MCF2L: variants seen among roughly 807,000 people sequenced by gnomAD.
MCF2L encodes the protein MCF.2 cell line derived transforming sequence like.
Under a neutral mutation model 153.4 loss-of-function variants are expected in MCF2L, and 97 were observed. The ratio of observed to expected loss-of-function variants is 0.63; its 90% CI spans 0.54 to 0.75. The LOEUF (loss-of-function observed/expected upper bound fraction) is 0.75, where lower values mean the gene tolerates loss of function less well. Ranked by LOEUF, MCF2L falls within the 30% of genes least tolerant of loss-of-function variation. The pLI, the probability that MCF2L is intolerant of heterozygous loss-of-function variation, is 0.00. For synonymous variants in MCF2L, 659 were observed against 632.2 expected, an observed-to-expected ratio of 1.04 and a Z score of -0.64; for missense variants, 1,347 against 1,495.2, an observed-to-expected ratio of 0.90 and a Z score of 1.64.
chr13:113,004,628 AGAG>A (rs941217462), intron 1 of MCF2L, among the ~76,000 whole-genome samples: 8 of 152,218 alleles, frequency 5.3e-5, no homozygotes, highest in Non-Finnish European at 8.8e-5. Flanking sequence ...TCAGCTTTAC[AGAG>A]GAGGAGGAGG....
rs1409628555 is a variant in MCF2L at position 113,014,696 on chromosome 13, G to A, written c.80-67G>A. On this transcript the variant is annotated intron_variant, in intron 1 of 29. Coordinates refer to ENST00000535094, the MANE Select transcript of MCF2L (RefSeq NM_001112732.3). ...GGATGTGCCAGCTCCGTGTGGGATC[G>A]GGTGGGCGCTTGCAGGGTGAGGCAG... 4.0e-5 allele frequency: 54 copies of A among 1,349,496 alleles called. No homozygotes were observed. The Admixed American group carries it at 5.4e-4, about 13-fold the overall frequency. 83.6% of individuals were successfully genotyped at this position (1,349,496 alleles called of 1,614,324 possible). A position where few individuals can be genotyped will look rare whatever the true frequency, so the allele number is the denominator to read the frequency against.
intron 2 of MCF2L, among the ~76,000 whole-genome samples, chr13:112,906,839 C>G (rs1441494531): frequency 1.3e-5 from 2 of 152,204 alleles, no homozygotes; most frequent in Admixed American, 6.5e-5. Context: ...GTTAGAAACT[C>G]CATCTATCCC....
At position 113,050,228 on chromosome 13, in the gene MCF2L, G is replaced by GAC. The variant is rs1491438409; in HGVS notation, c.369+4867_369+4868insAC. ...TGTAAGTGAATGTGAGACTGTGTGA[G>GAC]TGTGTGAGTGTGTGCGCGAGTGGGA... is the stretch of plus-strand genomic sequence containing the variant. On this transcript the variant is annotated intron_variant, in intron 4 of 29. Coordinates refer to ENST00000535094, the MANE Select transcript of MCF2L (RefSeq NM_001112732.3). Among the ~76,000 whole-genome samples, 1,066 of 151,420 alleles carry GAC rather than the reference G, an allele frequency of 7.0e-3. 11 individuals are homozygous for GAC. Among genetic ancestry groups the GAC allele is most frequent in the African/African-American group, 0.025 (1,020 of 41,184 alleles).
rs60088069 is a variant in MCF2L, at chr13:113,014,897, G to A, written c.163+51G>A. On this transcript the variant is annotated intron_variant, in intron 2 of 29. Transcript: ENST00000535094. ...TGGAGAGGGAGGGGTCTGGGGCCGG[G>A]TGTGGGCCGAGCAGCCCCCGTGGCC... The A allele has an allele frequency of 2.3e-4, 364 of 1,566,240 alleles. No individual in the cohort carries two copies. The African/African-American group carries it at 4.7e-3, about 20-fold the overall frequency.
At chr13:112,978,643 T>G (rs1428479649) in intron 1 of MCF2L, among the ~76,000 whole-genome samples, 4 of 152,140 alleles carry the variant, frequency 2.6e-5, no homozygotes, top group Non-Finnish European at 5.9e-5. Flanking sequence ...GCAGGACGGG[T>G]GTGCACTCAG....
At chr13:112,986,648 C>T (rs1427412376) in intron 1 of MCF2L, among the ~76,000 whole-genome samples, 1 of 152,228 alleles carries the variant, frequency 6.6e-6, no homozygotes, top group Non-Finnish European at 1.5e-5. Flanking sequence ...CTCTCTGTGA[C>T]ACTGGGGACC....
chr13:113,047,455 A>G (rs1594818685), intron 4 of MCF2L: 4 of 152,274 alleles, frequency 2.6e-5, no homozygotes, highest in Admixed American at 2.6e-4. Flanking sequence ...ACATGGACGG[A>G]CAACAGATAC....
At chr13:113,017,851 GA>G (rs1191859895) in intron 2 of MCF2L, among the ~76,000 whole-genome samples, 1 of 152,248 alleles carries the variant, frequency 6.6e-6, no homozygotes, top group African/African-American at 2.4e-5. Flanking sequence ...CTGGTCTTTG[GA>G]TGCCTGGAAT....
Position 113,066,098 on chromosome 13 carries a change from G to A in MCF2L, c.809G>A (p.Arg270Lys). 1 of 1,613,282 alleles carries A rather than the reference G, an allele frequency of 6.2e-7. No individual in the cohort carries two copies. The highest frequency in any genetic ancestry group is 8.5e-7 in the Non-Finnish European group (1 of 1,179,880). ...GGGCACAGTGTCCTGGAGAGCCTCAGGGAGCTGCAGGCTGAGGGCTCAGAG... is the reference window on the plus strand; with the variant it reads ...GGGCACAGTGTCCTGGAGAGCCTCAAGGAGCTGCAGGCTGAGGGCTCAGAG... ...KEGHSVLESL[R>K]ELQAEGSEPS... is the part of the protein sequence containing the mutation. Residue 270 changes from arginine (R) to lysine (K), a missense_variant, in exon 8 of 30, where the codon AGG becomes AAG. This residue lies in a region of MCF2L where 820 missense variants were observed against 921.2 expected (regional missense o/e 0.89). Coordinates refer to ENST00000535094, the MANE Select transcript of MCF2L (RefSeq NM_001112732.3).
In MCF2L at chr13:113,078,471, C is replaced by A. The variant is rs367694653; in HGVS notation, c.1734+35C>A. Reference sequence around the variant, plus strand: ...GCCCAAGACAACCCCGCCATCCACACCCCCCTCCTTGGTTCACGCTGGGCC... The same window carrying A: ...GCCCAAGACAACCCCGCCATCCACAACCCCCTCCTTGGTTCACGCTGGGCC... On this transcript the variant is annotated intron_variant, in intron 14 of 29. Coordinates refer to ENST00000535094, the MANE Select transcript of MCF2L (RefSeq NM_001112732.3). The A allele has an allele frequency of 3.2e-6, 5 of 1,572,260 alleles. No individual in the cohort carries two copies. The Admixed American group carries it at 6.8e-5, about 21-fold the overall frequency.
intron 2 of MCF2L, among the ~76,000 whole-genome samples, chr13:112,918,174 G>A (rs184353833): frequency 4.9e-4 from 75 of 152,360 alleles, no homozygotes; most frequent in Non-Finnish European, 8.7e-4. Context: ...CACTGTGTCC[G>A]GGAAGGCATC....
At chr13:113,007,515 C>T (rs1299724524) in intron 1 of MCF2L, among the ~76,000 whole-genome samples, 2 of 152,232 alleles carry the variant, frequency 1.3e-5, no homozygotes, top group East Asian at 1.9e-4. Flanking sequence ...GATCAAATTG[C>T]AATCCGTGTA....
At chr13:112,995,315 A>G (rs563453361) in intron 1 of MCF2L, among the ~76,000 whole-genome samples, 1 of 152,346 alleles carries the variant, frequency 6.6e-6, no homozygotes, top group East Asian at 1.9e-4. Flanking sequence ...TTTGCTGAGC[A>G]TATGATTAAG....
At chr13:113,049,094 A>G (rs1215081539) in intron 4 of MCF2L, among the ~76,000 whole-genome samples, 1 of 133,822 alleles carries the variant, frequency 7.5e-6, no homozygotes, top group Non-Finnish European at 1.6e-5. Flanking sequence ...AGAAACCGGC[A>G]GGAGATGATG....
At chr13:113,077,589 G>A (rs1158165314) in intron 13 of MCF2L, among the ~76,000 whole-genome samples, 1 of 152,092 alleles carries the variant, frequency 6.6e-6, no homozygotes, top group Non-Finnish European at 1.5e-5. Context: ...CCTCTCCACG[G>A]TCTGTCCTTT....
intron 2 of MCF2L, among the ~76,000 whole-genome samples, chr13:112,945,069 GTCCTGCCTGGAGCTGCTGTTTAGGC>G (rs1391090242): frequency 6.6e-6 from 1 of 151,678 alleles, no homozygotes; most frequent in African/African-American, 2.4e-5. Context: ...AGGGAGTGGG[GTCCTGCCTGGAGCTGCTGTTTAGGC>G]TCAGTCTTGG....
Position 113,064,637 on chromosome 13 carries a change from CCAAA to C in MCF2L, c.606+218_606+221del. On this transcript the variant is annotated intron_variant, in intron 6 of 29. Transcript: ENST00000535094. The surrounding 1 kb of genome is among the most constrained non-coding windows in gnomAD (Gnocchi z 6.0). ...GAGTGGCTTTCTCTGGGCTTGGAGACCAAAAAAAAAAAAAAAACCCTTGCGTTGT... is the reference window on the plus strand; with the variant it reads ...GAGTGGCTTTCTCTGGGCTTGGAGACAAAAAAAAAAAAACCCTTGCGTTGT... 1 of 500,526 alleles carries C rather than the reference CCAAA, an allele frequency of 2.0e-6. No homozygotes were observed. The allele number at this position is 500,526 out of a possible 1,614,324, so 31.0% of individuals were successfully genotyped here.
rs1176714569 is a variant in MCF2L at position 113,054,444 on chromosome 13, G to A, written c.370-6149G>A. Reference sequence around the variant, plus strand: ...GAACATCTGCAGGAACAGGGTCCACGCCCATTGTTTTCCTCACCCGGTCCA... The same window carrying A: ...GAACATCTGCAGGAACAGGGTCCACACCCATTGTTTTCCTCACCCGGTCCA... On this transcript the variant is annotated intron_variant, in intron 4 of 29. Transcript: ENST00000535094. This position sits in a 1 kb window ranked among gnomAD's most constrained non-coding sequence, Gnocchi z 5.2. 3.6e-5 allele frequency: 6 copies of A among 167,000 alleles called. No individual in the cohort carries two copies. Among genetic ancestry groups the A allele is most frequent in the Non-Finnish European group, 7.3e-5 (5 of 68,150 alleles). 10.3% of individuals were successfully genotyped at this position (167,000 alleles called of 1,614,324 possible).
At position 112,993,757 on chromosome 13, in the gene MCF2L, C is replaced by T. The variant is rs1214672415; in HGVS notation, c.80-21006C>T. On this transcript the variant is annotated intron_variant, in intron 1 of 29. Transcript: ENST00000535094. This position sits in a 1 kb window ranked among gnomAD's most constrained non-coding sequence, Gnocchi z 4.6. The stretch of plus-strand genomic sequence containing the variant: ...TAGGTGATCCCATCCCATTTTAGCA[C>T]CAGAAGTGGCTGTGTGAGCTGGGAA... Among the ~76,000 whole-genome samples the T allele has an allele frequency of 6.6e-6, 1 of 152,066 alleles. No homozygotes were observed. Among genetic ancestry groups the T allele is most frequent in the African/African-American group, 2.4e-5 (1 of 41,392 alleles).
Sources: gnomAD v4.1 joint callset for allele counts (sites outside exome capture counted in the v4.1 genomes callset) on GRCh38, gnomAD v4.1.1 for gene constraint, gnomAD v4.1.1 regional missense constraint, Gnocchi (gnomAD v3.1) non-coding constraint, MANE v1.5 for transcripts, NCBI Gene and HGNC (gene_info 2026-07-23, HGNC 2026-07-21) for gene names.